Variants in OSBPL10 observed in about 807,000 individuals in gnomAD.
OSBPL10 encodes the protein oxysterol binding protein like 10, also known as oxysterol-binding protein-related protein 10.
Under a neutral mutation model 81.7 loss-of-function variants are expected in OSBPL10, and 49 were observed. The ratio of observed to expected loss-of-function variants is 0.60; its 90% confidence interval spans 0.48 to 0.76. The LOEUF is 0.76. Among genes scored for constraint, OSBPL10 ranks in the 30% least tolerant of loss-of-function variants. The pLI, the probability that OSBPL10 is intolerant of heterozygous loss-of-function variation, is 0.00. For synonymous variants in OSBPL10, 419 were observed against 383.6 expected (o/e 1.09, Z -1.08); for missense variants, 923 against 987.8 (o/e 0.93, Z 0.88).
At chr3:31,960,224 T>C (rs1698122134) in intron 1 of OSBPL10, 1 of 152,222 alleles carries the variant, frequency 6.6e-6, no homozygotes. Context: ...TTCTGAACTT[T>C]TACCAGCCTC....
At chr3:31,668,066 C>G (rs1427722420) in intron 10 of OSBPL10, among the ~76,000 whole-genome samples, 2 of 152,148 alleles carry the variant, frequency 1.3e-5, no homozygotes, top group Admixed American at 6.5e-5. Flanking sequence ...AAAGAATAAA[C>G]CATTTTATGT....
intron 4 of OSBPL10, among the ~76,000 whole-genome samples, chr3:31,772,001 T>A (rs1698394268): frequency 6.6e-6 from 1 of 152,182 alleles, no homozygotes. Context: ...GTAAAACATA[T>A]TACACTTCTC....
intron 7 of OSBPL10, among the ~76,000 whole-genome samples, chr3:31,684,939 G>A (rs1700753841): frequency 6.6e-6 from 1 of 152,126 alleles, no homozygotes; most frequent in Non-Finnish European, 1.5e-5. Flanking sequence ...CCTTGTAGAG[G>A]CCCGGATAAC....
upstream of OSBPL10, chr3:31,981,901 A>T (rs972962268): frequency 3.3e-5 from 5 of 152,194 alleles, no homozygotes; most frequent in Non-Finnish European, 5.9e-5. This position sits in a 1 kb window ranked among gnomAD's most constrained non-coding sequence, Gnocchi z 4.5. Flanking sequence ...TGATCCTCAC[A>T]GGTAAGCTCG....
In OSBPL10 at chr3:31,664,125, C is replaced by A. The variant is rs758818512; in HGVS notation, c.2204G>T (p.Arg735Leu). ...CTTCCATGGTGTGCGGAGGTTCTCG[C>A]GCTTCCGTTCCTCCACCCGTTGCTT... ...EEKQRVEERK[R>L]ENLRTPWKPK... is the part of the protein sequence containing the mutation. Residue 735 changes from arginine (R) to leucine (L), a missense_variant, in exon 11 of 12, where the codon CGC becomes CTC. Transcript: ENST00000396556. 6.2e-7 allele frequency: 1 copy of A among 1,614,016 alleles called. No individual in the cohort carries two copies. Among genetic ancestry groups the A allele is most frequent in the Admixed American group, 1.7e-5 (1 of 60,022 alleles).
At chr3:32,039,538 A>T (rs927251976) in intron 2 of OSBPL10, among the ~76,000 whole-genome samples, 7 of 151,686 alleles carry the variant, frequency 4.6e-5, no homozygotes, top group Non-Finnish European at 7.4e-5. Flanking sequence ...GGGCACCTGT[A>T]ATCCCAGCTT....
chr3:31,720,480 CA>C (rs1439744344), intron 6 of OSBPL10, among the ~76,000 whole-genome samples: 3 of 152,210 alleles, frequency 2.0e-5, no homozygotes, highest in Non-Finnish European at 2.9e-5. Context: ...CTTTCCTCAA[CA>C]GGAGCAATAG....
At chr3:31,917,878 G>A (rs1696802970) in intron 1 of OSBPL10, among the ~76,000 whole-genome samples, 1 of 151,556 alleles carries the variant, frequency 6.6e-6, no homozygotes, top group Non-Finnish European at 1.5e-5. Context: ...TAAAATGTGT[G>A]ATTACAGTTT....
chr3:32,069,665 A>C (rs1439082122), intron 1 of OSBPL10, among the ~76,000 whole-genome samples: 1 of 152,210 alleles, frequency 6.6e-6, no homozygotes, highest in East Asian at 1.9e-4. Context: ...TCCGGCCCTC[A>C]AACCCCACAA....
chr3:31,739,740 C>A (rs936257801), intron 5 of OSBPL10, among the ~76,000 whole-genome samples: 4 of 152,196 alleles, frequency 2.6e-5, no homozygotes, highest in African/African-American at 9.7e-5. Flanking sequence ...AACTTCCAGC[C>A]TCCAAAACTG....
chr3:31,786,600 G>GT (rs1200964915), intron 4 of OSBPL10, among the ~76,000 whole-genome samples: 1 of 152,114 alleles, frequency 6.6e-6, no homozygotes, highest in Non-Finnish European at 1.5e-5. Flanking sequence ...ATTGCTGATG[G>GT]TAGAGACCTC....
intron 6 of OSBPL10, chr3:31,704,016 G>T (rs1695980653): frequency 6.6e-6 from 1 of 152,216 alleles, no homozygotes; most frequent in South Asian, 2.1e-4. Context: ...TCTACACTGG[G>T]AAGTTAGGGG....
chr3:31,664,499 T>C (rs927547577), intron 10 of OSBPL10: 6 of 560,078 alleles, frequency 1.1e-5, no homozygotes, highest in African/African-American at 7.5e-5. Context: ...AATCTAATAG[T>C]AGTAGTTGGC....
intron 1 of OSBPL10, chr3:31,919,558 C>T (rs1696853876): frequency 6.6e-6 from 1 of 152,170 alleles, no homozygotes; most frequent in Non-Finnish European, 1.5e-5. Flanking sequence ...AAGATGACAC[C>T]TTCTAGAATT....
intron 4 of OSBPL10, among the ~76,000 whole-genome samples, chr3:31,791,435 G>A (rs781674155): frequency 6.6e-6 from 1 of 152,152 alleles, no homozygotes; most frequent in African/African-American, 2.4e-5. Context: ...GGAAATCAGC[G>A]TGCATTTCCC....
chr3:32,010,527 T>A (rs1263723693), intron 2 of OSBPL10, among the ~76,000 whole-genome samples: 2 of 152,202 alleles, frequency 1.3e-5, no homozygotes, highest in East Asian at 3.9e-4. Context: ...ATGCAGAATA[T>A]GAATGATTTC....
intron 10 of OSBPL10, among the ~76,000 whole-genome samples, chr3:31,667,078 T>A (rs1284949548): frequency 6.6e-6 from 1 of 152,214 alleles, no homozygotes; most frequent in Non-Finnish European, 1.5e-5. Flanking sequence ...AAGGAGTAGC[T>A]AAACTACTCT....
chr3:31,970,970 T>G (rs1184035578), intron 1 of OSBPL10, among the ~76,000 whole-genome samples: 1 of 152,170 alleles, frequency 6.6e-6, no homozygotes, highest in Non-Finnish European at 1.5e-5. Flanking sequence ...CATGATGAAC[T>G]CTTCTCTTCA....
chr3:32,067,855 C>T (rs759013921), intron 1 of OSBPL10, among the ~76,000 whole-genome samples: 3 of 152,184 alleles, frequency 2.0e-5, no homozygotes, highest in Non-Finnish European at 4.4e-5. Flanking sequence ...CCTGCCTGCA[C>T]CCACATGAAA....
Sources: gnomAD v4.1 joint callset for allele counts (sites outside exome capture counted in the v4.1 genomes callset) on GRCh38, gnomAD v4.1.1 for gene constraint, Gnocchi (gnomAD v3.1) non-coding constraint, MANE v1.5 for transcripts, NCBI Gene and HGNC (gene_info 2026-07-23, HGNC 2026-07-21) for gene names.